The following ATXN10 variants were observed in gnomAD, a reference collection of about 807,000 sequenced individuals.
The protein encoded by ATXN10 is ataxin 10, also known as ataxin-10.
A neutral mutation model predicts 52.9 loss-of-function variants in ATXN10; 28 were observed. That is an observed-to-expected ratio of 0.53 (90% CI 0.39 to 0.73). The LOEUF (loss-of-function observed/expected upper bound fraction) is 0.73, where lower values mean the gene tolerates loss of function less well. Among genes scored for constraint, ATXN10 ranks in the 30% least tolerant of loss-of-function variants. The pLI is 0.00. For synonymous variants in ATXN10, 226 were observed against 221.5 expected (o/e 1.02, Z -0.18); for missense variants, 565 against 577.0 (o/e 0.98, Z 0.21).
rs749989664 is a variant in ATXN10 at position 45,816,805 on chromosome 22, T to C, written c.1237+9783T>C. On this transcript the variant is annotated intron_variant, in intron 10 of 11. Transcript: ENST00000252934. This position sits in a 1 kb window ranked among gnomAD's most constrained non-coding sequence, Gnocchi z 5.8. ...CACATGTGCATTTTGGAGCTTCCATTTGGGAAATTCTGAACTGTAGTGCCA... is the reference window on the plus strand; with the variant it reads ...CACATGTGCATTTTGGAGCTTCCATCTGGGAAATTCTGAACTGTAGTGCCA... 5.3e-5 allele frequency among the ~76,000 whole-genome samples: 8 copies of C among 152,156 alleles called. No individual in the cohort carries two copies. The highest frequency in any genetic ancestry group is 1.2e-4 in the Non-Finnish European group (8 of 68,018).
chr22:45,838,999 C>G (rs950754639), intron 10 of ATXN10, among the ~76,000 whole-genome samples: 158 of 152,214 alleles, frequency 1.0e-3, no homozygotes, highest in African/African-American at 3.7e-3. Context: ...GAGCAAACTT[C>G]ACATCTGCCT....
rs1928540570 is a variant in ATXN10, at chr22:45,818,544, T to G, written c.1237+11522T>G. ...AGAGCGAGGTTCTCAGTGTGAGCCA[T>G]GTGGGCGGTCCTTTTTGGTTTGAAG... is the stretch of plus-strand genomic sequence containing the variant. On this transcript the variant is annotated intron_variant, in intron 10 of 11. Transcript: ENST00000252934. This position sits in a 1 kb window ranked among gnomAD's most constrained non-coding sequence, Gnocchi z 4.6. 6.6e-6 allele frequency among the ~76,000 whole-genome samples: 1 copy of G among 152,180 alleles called. No homozygotes were observed. Among genetic ancestry groups the G allele is most frequent in the African/African-American group, 2.4e-5 (1 of 41,448 alleles).
At chr22:45,746,793 C>A (rs962297042) in intron 9 of ATXN10, among the ~76,000 whole-genome samples, 4 of 152,178 alleles carry the variant, frequency 2.6e-5, no homozygotes, top group Admixed American at 1.3e-4. Flanking sequence ...CTGCTCACCC[C>A]CTGACTTACA....
At chr22:45,714,841 T>C (rs984650582) in intron 5 of ATXN10, among the ~76,000 whole-genome samples, 7 of 152,210 alleles carry the variant, frequency 4.6e-5, no homozygotes, top group African/African-American at 1.7e-4. Flanking sequence ...TGTTTAAGTA[T>C]TTGATTTACT....
At chr22:45,729,654 A>C in intron 7 of ATXN10, 64 bp downstream of exon 7, 1 of 1,542,084 alleles carries the variant, frequency 6.5e-7, no homozygotes, top group Non-Finnish European at 9.0e-7. Flanking sequence ...AACTCAGCCA[A>C]GTCCTGTATG....
At chr22:45,836,147 GA>G (rs1001589462) in intron 10 of ATXN10, among the ~76,000 whole-genome samples, 10 of 152,178 alleles carry the variant, frequency 6.6e-5, no homozygotes, top group Non-Finnish European at 1.3e-4. Flanking sequence ...CATGCAGGGA[GA>G]CCCTGTGTAG....
At chr22:45,753,964 G>C (rs1165784459) in intron 9 of ATXN10, among the ~76,000 whole-genome samples, 1 of 152,178 alleles carries the variant, frequency 6.6e-6, no homozygotes, top group Non-Finnish European at 1.5e-5. Flanking sequence ...CTTGTTTGCA[G>C]TCCTGAAAAC....
At position 45,824,918 on chromosome 22, in the gene ATXN10, G is replaced by A. The variant is rs1928768310; in HGVS notation, c.1237+17896G>A. 6.6e-6 allele frequency among the ~76,000 whole-genome samples: 1 copy of A among 152,212 alleles called. No homozygotes were observed. Among genetic ancestry groups the A allele is most frequent in the Non-Finnish European group, 1.5e-5 (1 of 68,034 alleles). ...CCTAGACAACATTTGTACTGAATCT[G>A]ATGTAACTGTTTTGGTACGCTGAAG... is the stretch of plus-strand genomic sequence containing the variant. On this transcript the variant is annotated intron_variant, in intron 10 of 11. Coordinates refer to ENST00000252934, the MANE Select transcript of ATXN10 (RefSeq NM_013236.4). The surrounding 1 kb of genome is among the most constrained non-coding windows in gnomAD (Gnocchi z 5.2).
rs1926756936 is a variant in ATXN10, at chr22:45,770,975, C to G, written c.1173+30437C>G. Among the ~76,000 whole-genome samples, 1 of 152,208 alleles carries G rather than the reference C, an allele frequency of 6.6e-6. No homozygotes were observed. Among genetic ancestry groups the G allele is most frequent in the African/African-American group, 2.4e-5 (1 of 41,450 alleles). On this transcript the variant is annotated intron_variant, in intron 9 of 11. Transcript: ENST00000252934. This position sits in a 1 kb window ranked among gnomAD's most constrained non-coding sequence, Gnocchi z 4.5. ...ATCCTGGGAGCACTCGAGGCCAGCC[C>G]TTTTGGCTCTCTGCGGCTGCCTTCT... is the stretch of plus-strand genomic sequence containing the variant.
intron 3 of ATXN10, among the ~76,000 whole-genome samples, chr22:45,699,564 C>T (rs1199699933): frequency 2.1e-5 from 3 of 140,114 alleles, no homozygotes; most frequent in Non-Finnish European, 4.5e-5. Flanking sequence ...AATCTTGGCT[C>T]ACTGGAACCT....
rs1923835050 is a variant in ATXN10, at chr22:45,701,305, G to A, written c.488+927G>A. On this transcript the variant is annotated intron_variant, in intron 4 of 11. Coordinates refer to ENST00000252934, the MANE Select transcript of ATXN10 (RefSeq NM_013236.4). The surrounding 1 kb of genome is among the most constrained non-coding windows in gnomAD (Gnocchi z 4.2). ...AGCTCATCACTGGTAAATGGCAGAG[G>A]TAGAGTGTAAACCCATTGCTGCCAT... Among the ~76,000 whole-genome samples, 1 of 152,208 alleles carries A rather than the reference G, an allele frequency of 6.6e-6. No individual in the cohort carries two copies. Among genetic ancestry groups the A allele is most frequent in the South Asian group, 2.1e-4 (1 of 4,836 alleles).
intron 9 of ATXN10, among the ~76,000 whole-genome samples, chr22:45,785,681 G>T (rs1927300029): frequency 6.6e-6 from 1 of 152,164 alleles, no homozygotes; most frequent in Non-Finnish European, 1.5e-5. Context: ...GCAGCGCCAG[G>T]CTTAACTCAG....
chr22:45,780,086 CTTTT>C lies in ATXN10; in HGVS notation c.1174-26861_1174-26858del, dbSNP rs135993. Among the ~76,000 whole-genome samples, 2 of 138,598 alleles carry C rather than the reference CTTTT, an allele frequency of 1.4e-5. No homozygotes were observed. The highest frequency in any genetic ancestry group is 1.6e-5 in the Non-Finnish European group (1 of 63,226). The allele number at this position is 138,598 out of a possible 152,430, so 90.9% of individuals were successfully genotyped here. ...CAAACAAAAAGGCAGACTGCATCAT[CTTTT>C]TTTTTTTTTTTGAGACGGAGTCTCG... On this transcript the variant is annotated intron_variant, in intron 9 of 11. Transcript: ENST00000252934. This position sits in a 1 kb window ranked among gnomAD's most constrained non-coding sequence, Gnocchi z 4.0.
chr22:45,738,580 T>C (rs1925388734), intron 7 of ATXN10, 151 bp from the exon 8 acceptor site: 1 of 669,294 alleles, frequency 1.5e-6, no homozygotes, highest in Non-Finnish European at 2.5e-6. Flanking sequence ...ACTTCTGTTT[T>C]GTTCTTCATA....
intron 9 of ATXN10, among the ~76,000 whole-genome samples, chr22:45,806,392 T>G (rs1457630219): frequency 2.0e-5 from 3 of 152,242 alleles, no homozygotes; most frequent in Non-Finnish European, 2.9e-5. Flanking sequence ...TATTGTATTG[T>G]TGGTGGTGTT....
chr22:45,842,987 C>T lies in ATXN10; in HGVS notation c.1238-4C>T, dbSNP rs757814639. ...GTTGTCACATTCCTTCACTCTGGCT[C>T]CAGTTCTGACCCAGTGGGTGATATA... On this transcript the variant is annotated splice_polypyrimidine_tract_variant and splice_region_variant and intron_variant, in intron 10 of 11. Transcript: ENST00000252934. This position sits in a 1 kb window ranked among gnomAD's most constrained non-coding sequence, Gnocchi z 4.8. The T allele has an allele frequency of 1.9e-6, 3 of 1,614,140 alleles. No individual in the cohort carries two copies. The highest frequency in any genetic ancestry group is 1.7e-6 in the Non-Finnish European group (2 of 1,180,004).
rs199561815 is a variant in ATXN10 at position 45,762,567 on chromosome 22, G to A, written c.1173+22029G>A. The stretch of plus-strand genomic sequence containing the variant: ...TGTCTGGCCAGGGTGCTTCCTCCTC[G>A]CTCTCCAGCTGGCTGAAGGGAAGCT... On this transcript the variant is annotated intron_variant, in intron 9 of 11. Transcript: ENST00000252934. The surrounding 1 kb of genome is among the most constrained non-coding windows in gnomAD (Gnocchi z 4.3). Among the ~76,000 whole-genome samples the A allele has an allele frequency of 1.3e-5, 2 of 152,072 alleles. No individual in the cohort carries two copies. The highest frequency in any genetic ancestry group is 2.4e-5 in the African/African-American group (1 of 41,406).
chr22:45,722,959 T>G (rs1370542841), intron 6 of ATXN10, among the ~76,000 whole-genome samples: 1 of 152,154 alleles, frequency 6.6e-6, no homozygotes, highest in African/African-American at 2.4e-5. Context: ...TCATTACCTA[T>G]TCAAGAAATA....
At chr22:45,697,363 G>C (rs1313008763) in intron 3 of ATXN10, among the ~76,000 whole-genome samples, 1 of 152,024 alleles carries the variant, frequency 6.6e-6, no homozygotes, top group Non-Finnish European at 1.5e-5. Flanking sequence ...TCGAACTCCT[G>C]ACTTCAGGTG....
Sources: gnomAD v4.1 joint callset for allele counts (sites outside exome capture counted in the v4.1 genomes callset) on GRCh38, gnomAD v4.1.1 for gene constraint, Gnocchi (gnomAD v3.1) non-coding constraint, MANE v1.5 for transcripts, NCBI Gene and HGNC (gene_info 2026-07-23, HGNC 2026-07-21) for gene names.